RAI1: variants seen among roughly 807,000 people sequenced by gnomAD.
RAI1 encodes the protein retinoic acid induced 1, also known as retinoic acid-induced protein 1.
In RAI1, 9 loss-of-function variants were observed where a neutral mutation model predicts 123.8. The ratio of observed to expected loss-of-function variants is 0.07; its 90% CI spans 0.04 to 0.13. The LOEUF (loss-of-function observed/expected upper bound fraction) is 0.13. RAI1 is among the 10% of genes least tolerant of loss of function. RAI1 has a pLI of 1.00. For synonymous variants in RAI1, 1,231 were observed against 1,127.3 expected (o/e 1.09, Z -1.84); for missense variants, 2,256 against 2,545.8 (o/e 0.89, Z 2.45).
chr17:17,798,607 G>A, intron 3 of RAI1, 94 bp downstream of exon 3: 2 of 1,551,578 alleles, frequency 1.3e-6, no homozygotes, highest in South Asian at 2.3e-5. Context: ...GTGCTACAGT[G>A]TGGGCCAAAT....
chr17:17,771,192 A>G (rs2031143744), intron 2 of RAI1, among the ~76,000 whole-genome samples: 1 of 152,226 alleles, frequency 6.6e-6, no homozygotes, highest in Non-Finnish European at 1.5e-5. Flanking sequence ...CATGTTTTTA[A>G]AAGCCTTAGG....
chr17:17,713,015 G>A (rs1419704660), intron 1 of RAI1, among the ~76,000 whole-genome samples: 1 of 151,980 alleles, frequency 6.6e-6, no homozygotes, highest in African/African-American at 2.4e-5. Flanking sequence ...ACTGCCTATG[G>A]GAACAGGTTT....
chr17:17,753,098 G>A (rs547018068), intron 2 of RAI1, among the ~76,000 whole-genome samples: 2 of 152,366 alleles, frequency 1.3e-5, no homozygotes, highest in South Asian at 4.1e-4. Context: ...CACTGGGTCA[G>A]TGTCTGGCCT....
intron 2 of RAI1, among the ~76,000 whole-genome samples, chr17:17,785,847 CATG>C (rs2031809185): frequency 6.6e-6 from 1 of 152,216 alleles, no homozygotes; most frequent in South Asian, 2.1e-4. Context: ...CCATCGAGCC[CATG>C]CAGATCCCCT....
At chr17:17,788,432 CAA>C (rs1004734556) in intron 2 of RAI1, among the ~76,000 whole-genome samples, 1 of 152,122 alleles carries the variant, frequency 6.6e-6, no homozygotes, top group African/African-American at 2.4e-5. Flanking sequence ...TCATTTTCAC[CAA>C]GTCTCCTGTA....
At chr17:17,792,553 C>T (rs2032054398) in intron 2 of RAI1, among the ~76,000 whole-genome samples, 1 of 37,584 alleles carries the variant, frequency 2.7e-5, no homozygotes, top group Non-Finnish European at 4.9e-5. Context: ...GGGTGGGGGA[C>T]ATTGGGGAGG....
chr17:17,766,718 C>T (rs1040889735), intron 2 of RAI1, among the ~76,000 whole-genome samples: 1 of 152,190 alleles, frequency 6.6e-6, no homozygotes, highest in African/African-American at 2.4e-5. Context: ...GGCGCACAGG[C>T]GGCGGCACTG....
chr17:17,786,928 C>T (rs1490933714), intron 2 of RAI1, among the ~76,000 whole-genome samples: 1 of 152,216 alleles, frequency 6.6e-6, no homozygotes, highest in East Asian at 1.9e-4. Context: ...ACAAAATTAG[C>T]TGGGCGTTGT....
rs1598037862 is a variant in RAI1 at position 17,726,171 on chromosome 17, G to C, written c.-17+2012G>C. On this transcript the variant is annotated intron_variant, in intron 2 of 5. Transcript: ENST00000353383. ...GCCTTGTGGCCCGGAGGGAAGAGGG[G>C]TTACAAGCCAGGGCCATCGGAAACT... Among the ~76,000 whole-genome samples, 7 of 152,266 alleles carry C rather than the reference G, an allele frequency of 4.6e-5. No homozygotes were observed. In the East Asian group the frequency reaches 1.4e-3, roughly 29 times the overall value.
Position 17,793,182 on chromosome 17 carries a change from C to T in RAI1, c.234C>T (p.Tyr78=), listed in dbSNP as rs1314150706. 1.2e-6 allele frequency: 2 copies of T among 1,613,114 alleles called. No homozygotes were observed. The highest frequency in any genetic ancestry group is 1.3e-5 in the African/African-American group (1 of 75,016). The part of the protein sequence containing the change: ...GTAAAVAADK[Y]HRGSKALPTQ... ...CAGCCGCGGTGGCCGCCGACAAGTA[C>T]CACCGAGGCAGCAAGGCCCTGCCCA... Residue 78 remains tyrosine, a synonymous_variant, in exon 3 of 6, where the codon TAC becomes TAT. Coordinates refer to ENST00000353383, the MANE Select transcript of RAI1 (RefSeq NM_030665.4).
intron 1 of RAI1, among the ~76,000 whole-genome samples, chr17:17,687,816 G>A (rs1057087390): frequency 2.0e-5 from 3 of 151,864 alleles, no homozygotes; most frequent in Non-Finnish European, 2.9e-5. Flanking sequence ...GATCACTTGA[G>A]GTCAGGAGTT....
intron 2 of RAI1, among the ~76,000 whole-genome samples, chr17:17,739,019 G>A (rs1355930331): frequency 1.3e-5 from 2 of 152,222 alleles, no homozygotes; most frequent in African/African-American, 4.8e-5. Flanking sequence ...GGAAATTTCT[G>A]TCAGTGGGAA....
At position 17,797,435 on chromosome 17, in the gene RAI1, G is replaced by A. The variant is rs781689576; in HGVS notation, c.4487G>A (p.Gly1496Asp). ...AGTGAGGACAACTCTGGTGGAGGAG[G>A]CAAGAAGCCAAAGATGGAGGAGCTG... ...GASEDNSGGG[G>D]KKPKMEELGL... The change falls in exon 3 of 6, where the codon GGC becomes GAC. Residue 1496 changes from glycine to aspartate, a missense_variant. By Grantham distance (94) the Gly-to-Asp change is moderately conservative. Transcript: ENST00000353383. The A allele has an allele frequency of 1.1e-5, 18 of 1,613,344 alleles. No individual in the cohort carries two copies. Among genetic ancestry groups the A allele is most frequent in the Middle Eastern group, 1.6e-4 (1 of 6,062 alleles).
chr17:17,764,880 G>A (rs1042078253), intron 2 of RAI1, among the ~76,000 whole-genome samples: 8 of 152,220 alleles, frequency 5.3e-5, no homozygotes, highest in Non-Finnish European at 7.3e-5. Flanking sequence ...ATGAGCCACC[G>A]CGCCTGGCCT....
In RAI1 at chr17:17,809,324, G is replaced by A. The variant is rs2032657991; in HGVS notation, c.5660-66G>A. The A allele has an allele frequency of 6.9e-7, 1 of 1,449,500 alleles. No individual in the cohort carries two copies. The highest frequency in any genetic ancestry group is 9.7e-7 in the Non-Finnish European group (1 of 1,030,898). 89.8% of individuals were successfully genotyped at this position (1,449,500 alleles called of 1,614,324 possible). The stretch of plus-strand genomic sequence containing the variant: ...CAGTGCGGCTCCCCTCCTGGCTGCA[G>A]ACAAAACCCCACAGCTGTGGGGCCC... On this transcript the variant is annotated intron_variant, in intron 4 of 5. Coordinates refer to ENST00000353383, the MANE Select transcript of RAI1 (RefSeq NM_030665.4). This position sits in a 1 kb window ranked among gnomAD's most constrained non-coding sequence, Gnocchi z 4.9.
chr17:17,734,870 A>G (rs1916379463), intron 2 of RAI1, among the ~76,000 whole-genome samples: 2 of 152,188 alleles, frequency 1.3e-5, no homozygotes, highest in Admixed American at 6.5e-5. Flanking sequence ...CCACAAAGCT[A>G]TTTCCAGGCC....
At position 17,793,198 on chromosome 17, in the gene RAI1, G is replaced by A; in HGVS notation, c.250G>A (p.Ala84Thr). Residue 84 changes from alanine to threonine, a missense_variant, in exon 3 of 6, where the codon GCC becomes ACC. By Grantham distance (58) the Ala-to-Thr change is moderately conservative. This residue lies in a region of RAI1 where 336 missense variants were observed against 349.8 expected (regional missense o/e 0.96). Transcript: ENST00000353383. ...AADKYHRGSKALPTQQGLQGR... is the reference protein window; with the variant it reads ...AADKYHRGSKTLPTQQGLQGR... ...CGACAAGTACCACCGAGGCAGCAAG[G>A]CCCTGCCCACACAGCAAGGCCTGCA... 1.2e-6 allele frequency: 2 copies of A among 1,612,736 alleles called. No homozygotes were observed. Among genetic ancestry groups the A allele is most frequent in the South Asian group, 1.1e-5 (1 of 90,970 alleles).
At chr17:17,732,922 C>A (rs1025805584) in intron 2 of RAI1, among the ~76,000 whole-genome samples, 1 of 152,228 alleles carries the variant, frequency 6.6e-6, no homozygotes, top group Non-Finnish European at 1.5e-5. Flanking sequence ...GCAATGCCCC[C>A]AGGTGGGCGC....
chr17:17,721,249 G>A (rs1016305756), intron 1 of RAI1, among the ~76,000 whole-genome samples: 1 of 152,170 alleles, frequency 6.6e-6, no homozygotes, highest in South Asian at 2.1e-4. Context: ...TATGGGAGGA[G>A]GGCTTGGTTT....
Sources: gnomAD v4.1 joint callset for allele counts (sites outside exome capture counted in the v4.1 genomes callset) on GRCh38, gnomAD v4.1.1 for gene constraint, gnomAD v4.1.1 regional missense constraint, Gnocchi (gnomAD v3.1) non-coding constraint, MANE v1.5 for transcripts, NCBI Gene and HGNC (gene_info 2026-07-23, HGNC 2026-07-21) for gene names.